The following RUNX1 variants were observed in gnomAD, a reference collection of about 807,000 sequenced individuals.
The protein encoded by RUNX1 is RUNX family transcription factor 1.
Under a neutral mutation model 42.8 loss-of-function variants are expected in RUNX1, and 19 were observed. That is an observed-to-expected ratio of 0.44 (90% confidence interval 0.31 to 0.65). The LOEUF (loss-of-function observed/expected upper bound fraction) is 0.65. RUNX1 is among the 30% of genes least tolerant of loss of function. The pLI is 0.07. For missense variants in RUNX1, 528 were observed against 672.0 expected (o/e 0.79, Z 2.37); for synonymous variants, 271 against 289.4 (o/e 0.94, Z 0.64).
chr21:35,025,809 G>A (rs2059231456), intron 2 of RUNX1, among the ~76,000 whole-genome samples: 1 of 152,080 alleles, frequency 6.6e-6, no homozygotes, highest in Non-Finnish European at 1.5e-5. Context: ...GCCAACCTGA[G>A]GACGTTTCTA....
chr21:34,892,923 A>G lies in RUNX1; in HGVS notation c.97+2T>C. The G allele has an allele frequency of 6.5e-7, 1 of 1,547,824 alleles. No homozygotes were observed. The highest frequency in any genetic ancestry group is 1.4e-5 in the African/African-American group (1 of 73,700). Reference sequence around the variant, plus strand: ...AAAAATATAACTTGGAATTTAACATACCGTGGACGTCTCTAGAAGGATTCA... The same window carrying G: ...AAAAATATAACTTGGAATTTAACATGCCGTGGACGTCTCTAGAAGGATTCA... On this transcript the variant is annotated splice_donor_variant, in intron 3 of 8. Transcript: ENST00000675419. LOFTEE classifies it high-confidence loss of function.
At chr21:34,806,069 TG>T (rs200350438) in intron 7 of RUNX1, among the ~76,000 whole-genome samples, 2,700 of 151,954 alleles carry the variant, frequency 0.018, 70 homozygotes, top group African/African-American at 0.054. Flanking sequence ...AAAAGAGGTG[TG>T]GGGGGAAGAA....
intron 2 of RUNX1, among the ~76,000 whole-genome samples, chr21:35,023,921 T>C (rs1888451): frequency 0.52 from 77,905 of 149,644 alleles, 21,029 homozygotes; most frequent in Non-Finnish European, 0.57. Flanking sequence ...ATTATATATG[T>C]GTGTATTAAA....
At chr21:35,011,692 C>G (rs1156391872) in intron 2 of RUNX1, among the ~76,000 whole-genome samples, 1 of 152,122 alleles carries the variant, frequency 6.6e-6, no homozygotes, top group Admixed American at 6.5e-5. Context: ...ACTTCAACAG[C>G]GAGTGGAAGC....
intron 2 of RUNX1, among the ~76,000 whole-genome samples, chr21:34,961,373 A>G (rs200037254): frequency 6.6e-6 from 1 of 150,796 alleles, no homozygotes; most frequent in East Asian, 1.9e-4. Context: ...TAATAATAAT[A>G]ATGATAATAA....
intron 6 of RUNX1, among the ~76,000 whole-genome samples, chr21:34,850,473 G>A (rs1490478523): frequency 2.0e-5 from 3 of 152,124 alleles, no homozygotes; most frequent in Non-Finnish European, 2.9e-5. Context: ...CAAGAATTCC[G>A]ACCCCAAGAC....
At chr21:35,018,126 C>T (rs1236367354) in intron 2 of RUNX1, among the ~76,000 whole-genome samples, 5 of 152,040 alleles carry the variant, frequency 3.3e-5, no homozygotes, top group Admixed American at 6.6e-5. Flanking sequence ...CCCTGGTTCA[C>T]GCCATTCTCC....
chr21:34,995,938 C>T (rs2058991994), intron 2 of RUNX1, among the ~76,000 whole-genome samples: 1 of 151,958 alleles, frequency 6.6e-6, no homozygotes, highest in African/African-American at 2.4e-5. Flanking sequence ...TTATACTTGG[C>T]TTTTTGTAGC....
intron 2 of RUNX1, among the ~76,000 whole-genome samples, chr21:35,015,801 GACA>G (rs1407779586): frequency 6.6e-6 from 1 of 152,198 alleles, no homozygotes; most frequent in African/African-American, 2.4e-5. Context: ...CTGTTTTACA[GACA>G]ACAAAACTGA....
At chr21:35,026,457 G>C (rs1023264782) in intron 2 of RUNX1, among the ~76,000 whole-genome samples, 1 of 152,208 alleles carries the variant, frequency 6.6e-6, no homozygotes, top group Non-Finnish European at 1.5e-5. Context: ...GCACTTTGGG[G>C]TCCCTTTTCA....
intron 2 of RUNX1, among the ~76,000 whole-genome samples, chr21:34,917,633 A>T (rs943800727): frequency 5.3e-5 from 8 of 152,078 alleles, no homozygotes; most frequent in African/African-American, 1.9e-4. Flanking sequence ...AAGAAGATAG[A>T]CAGATGGAAA....
chr21:34,895,766 T>A (rs532463082), intron 2 of RUNX1, among the ~76,000 whole-genome samples: 3 of 152,094 alleles, frequency 2.0e-5, no homozygotes, highest in African/African-American at 7.2e-5. Context: ...CGTAGATAGG[T>A]CATTGGAAGC....
At chr21:34,892,540 G>A (rs1360137439) in intron 3 of RUNX1, among the ~76,000 whole-genome samples, 1 of 152,148 alleles carries the variant, frequency 6.6e-6, no homozygotes, top group Non-Finnish European at 1.5e-5. Flanking sequence ...TAAAATTTAG[G>A]AATGCTTAGT....
intron 2 of RUNX1, among the ~76,000 whole-genome samples, chr21:34,993,975 C>A (rs187728242): frequency 1.3e-5 from 2 of 152,170 alleles, no homozygotes; most frequent in African/African-American, 4.8e-5. Context: ...TTTTTCATAT[C>A]CTTTGAAGTC....
At chr21:34,854,389 G>A (rs936711330) in intron 6 of RUNX1, among the ~76,000 whole-genome samples, 4 of 151,958 alleles carry the variant, frequency 2.6e-5, no homozygotes, top group African/African-American at 9.7e-5. Flanking sequence ...TCTACAGTTT[G>A]TAAGTAATGG....
intron 2 of RUNX1, among the ~76,000 whole-genome samples, chr21:34,930,571 A>C (rs1278446601): frequency 1.3e-5 from 2 of 152,118 alleles, no homozygotes; most frequent in East Asian, 3.9e-4. Context: ...CATATTAGGC[A>C]GTGTAAAATT....
At chr21:34,874,616 A>AAAAAAAAAAAT in intron 5 of RUNX1, among the ~76,000 whole-genome samples, 1 of 143,224 alleles carries the variant, frequency 7.0e-6, no homozygotes, top group African/African-American at 2.6e-5. Context: ...GTCTCAAAAA[A>AAAAAAAAAAAT]AAAAAAAAAA....
chr21:34,877,662 G>A (rs532973717), intron 5 of RUNX1, among the ~76,000 whole-genome samples: 53 of 152,308 alleles, frequency 3.5e-4, no homozygotes, highest in African/African-American at 1.1e-3. Flanking sequence ...CATCAAAGCC[G>A]GACAGGCAGG....
At chr21:34,834,962 C>A (rs996468510) in intron 6 of RUNX1, among the ~76,000 whole-genome samples, 5 of 152,118 alleles carry the variant, frequency 3.3e-5, no homozygotes, top group African/African-American at 1.2e-4. Context: ...CACATGGCCA[C>A]ATGCCAGGGG....
Sources: gnomAD v4.1 joint callset for allele counts (sites outside exome capture counted in the v4.1 genomes callset) on GRCh38, gnomAD v4.1.1 for gene constraint, MANE v1.5 for transcripts, NCBI Gene and HGNC (gene_info 2026-07-23, HGNC 2026-07-21) for gene names.